Variants in GRID2 observed in about 807,000 individuals in gnomAD.
GRID2 encodes glutamate ionotropic receptor delta type subunit 2.
GRID2 carries 33 observed loss-of-function variants against 114.8 expected under a neutral mutation model. That is an observed-to-expected ratio of 0.29 (90% CI 0.22 to 0.38). GRID2 has a LOEUF of 0.38. Among genes scored for constraint, GRID2 ranks in the 10% least tolerant of loss-of-function variants. The pLI is 1.00. For missense variants in GRID2, 1,184 were observed against 1,257.7 expected (o/e 0.94, Z 0.89); for synonymous variants, 505 against 449.9 (o/e 1.12, Z -1.55).
chr4:92,915,862 T>C (rs114577991), intron 2 of GRID2, among the ~76,000 whole-genome samples: 4,525 of 152,276 alleles, frequency 0.03, 84 homozygotes, highest in Middle Eastern at 0.058. Flanking sequence ...CATGTATGTC[T>C]TCTTATGAAA....
chr4:92,354,388 G>A (rs1332340716), intron 1 of GRID2, among the ~76,000 whole-genome samples: 3 of 151,864 alleles, frequency 2.0e-5, no homozygotes, highest in East Asian at 3.9e-4. Context: ...ACATGAGCTT[G>A]TAGCTGCCTA....
chr4:93,185,021 G>T (rs12645274), intron 4 of GRID2, among the ~76,000 whole-genome samples: 22,315 of 152,198 alleles, frequency 0.15, 2,659 homozygotes, highest in African/African-American at 0.32. Flanking sequence ...AGGGTTAGGA[G>T]AGTCATTTTG....
intron 2 of GRID2, among the ~76,000 whole-genome samples, chr4:92,794,122 T>C (rs1027210932): frequency 2.0e-5 from 3 of 151,874 alleles, no homozygotes; most frequent in African/African-American, 2.4e-5. Context: ...ATCTTTTCTT[T>C]ATTTTATTTT....
At chr4:92,824,301 T>A (rs542688902) in intron 2 of GRID2, among the ~76,000 whole-genome samples, 14 of 152,264 alleles carry the variant, frequency 9.2e-5, no homozygotes, top group African/African-American at 3.4e-4. Flanking sequence ...AAATATATGA[T>A]CTTTTTATTA....
At chr4:93,670,228 C>CTGTTCA (rs1449255929) in intron 14 of GRID2, among the ~76,000 whole-genome samples, 2 of 152,072 alleles carry the variant, frequency 1.3e-5, no homozygotes, top group Non-Finnish European at 2.9e-5. Flanking sequence ...TCATTCATAT[C>CTGTTCA]TGTTCATGTC....
intron 5 of GRID2, among the ~76,000 whole-genome samples, chr4:93,216,361 G>A (rs972040054): frequency 6.6e-6 from 1 of 150,600 alleles, no homozygotes; most frequent in Non-Finnish European, 1.5e-5. Flanking sequence ...GATACTCAAA[G>A]TAATAGTATT....
chr4:92,309,663 CTCTTAT>C (rs928716092), intron 1 of GRID2, among the ~76,000 whole-genome samples: 4 of 151,814 alleles, frequency 2.6e-5, no homozygotes, highest in Non-Finnish European at 5.9e-5. Context: ...TGATCCCTGT[CTCTTAT>C]TCTTGTAAGA....
intron 13 of GRID2, among the ~76,000 whole-genome samples, chr4:93,530,896 C>A (rs1036515131): frequency 9.9e-5 from 15 of 152,086 alleles, no homozygotes; most frequent in African/African-American, 3.4e-4. Context: ...CTTAAACAGA[C>A]TAGATATTTA....
chr4:92,541,914 G>A (rs1241846239), intron 1 of GRID2, among the ~76,000 whole-genome samples: 1 of 151,916 alleles, frequency 6.6e-6, no homozygotes, highest in Non-Finnish European at 1.5e-5. Context: ...AAAAGAAGAG[G>A]AAGATTTCTA....
chr4:92,601,988 A>G (rs1729236327), intron 2 of GRID2, among the ~76,000 whole-genome samples: 2 of 152,072 alleles, frequency 1.3e-5, no homozygotes. Flanking sequence ...TGAACAGACC[A>G]ATAACAAGTT....
intron 9 of GRID2, among the ~76,000 whole-genome samples, chr4:93,410,549 A>G (rs562982915): frequency 1.3e-5 from 2 of 152,230 alleles, no homozygotes; most frequent in South Asian, 4.1e-4. Context: ...TGCATCTTCA[A>G]CATCTTCTGA....
chr4:92,603,892 AAAAAT>A (rs1393442555), intron 2 of GRID2, among the ~76,000 whole-genome samples: 4 of 152,158 alleles, frequency 2.6e-5, no homozygotes, highest in African/African-American at 4.8e-5. Flanking sequence ...GACACTTCTC[AAAAAT>A]AAAATAAAAA....
chr4:92,981,464 A>G (rs1262984672), intron 2 of GRID2, among the ~76,000 whole-genome samples: 1 of 152,032 alleles, frequency 6.6e-6, no homozygotes, highest in Non-Finnish European at 1.5e-5. Flanking sequence ...CCATGTCTAC[A>G]CTTGTAAATG....
At chr4:93,442,003 C>A (rs1183166741) in intron 10 of GRID2, among the ~76,000 whole-genome samples, 1 of 151,930 alleles carries the variant, frequency 6.6e-6, no homozygotes, top group Admixed American at 6.6e-5. Flanking sequence ...TTTGATACTG[C>A]ACAGAATCAC....
chr4:93,095,945 G>C (rs946541122), intron 3 of GRID2, among the ~76,000 whole-genome samples: 1 of 151,956 alleles, frequency 6.6e-6, no homozygotes, highest in Non-Finnish European at 1.5e-5. Flanking sequence ...CGCAACAATT[G>C]AAAGAGCAAA....
rs561538927 is a variant in GRID2, at chr4:93,331,270, TTTATTCTCTCTGCTTGGGAG to T, written c.1246-64317_1246-64298del. On this transcript the variant is annotated intron_variant, in intron 8 of 15. Coordinates refer to ENST00000282020, the MANE Select transcript of GRID2 (RefSeq NM_001510.4). ...TAGACACAATCACAAAAACAATTGTTTTATTCTCTCTGCTTGGGAGTTATTCTCTCTGCTTGGGAAATTCT... is the reference window on the plus strand; with the variant it reads ...TAGACACAATCACAAAAACAATTGTTTTATTCTCTCTGCTTGGGAAATTCT... Among the ~76,000 whole-genome samples the T allele has an allele frequency of 8.9e-3, 1,359 of 151,952 alleles. 6 individuals carry two copies. Among genetic ancestry groups the T allele is most frequent in the South Asian group, 0.014 (69 of 4,810 alleles).
chr4:93,315,088 A>ACATGGTGG (rs1385395888), intron 8 of GRID2, among the ~76,000 whole-genome samples: 1 of 152,162 alleles, frequency 6.6e-6, no homozygotes, highest in Non-Finnish European at 1.5e-5. Flanking sequence ...GGAGTGTCTT[A>ACATGGTGG]CATGGTGGCA....
intron 2 of GRID2, among the ~76,000 whole-genome samples, chr4:92,889,486 CAGAA>C (rs2149467417): frequency 6.6e-6 from 1 of 152,216 alleles, no homozygotes; most frequent in African/African-American, 2.4e-5. Flanking sequence ...AATAGACAAA[CAGAA>C]AGTCAAATCA....
intron 8 of GRID2, among the ~76,000 whole-genome samples, chr4:93,316,650 C>T (rs918560508): frequency 5.9e-5 from 9 of 152,090 alleles, no homozygotes; most frequent in African/African-American, 9.7e-5. Context: ...GACAAATACA[C>T]GGCTTTTTTC....
Sources: gnomAD v4.1 joint callset for allele counts (sites outside exome capture counted in the v4.1 genomes callset) on GRCh38, gnomAD v4.1.1 for gene constraint, MANE v1.5 for transcripts, NCBI Gene and HGNC (gene_info 2026-07-23, HGNC 2026-07-21) for gene names.